SMARCAD1: variants seen among roughly 807,000 people sequenced by gnomAD.
The protein encoded by SMARCAD1 is SWI/SNF-related matrix-associated actin-dependent regulator of chromatin subfamily A containing DEAD/H box 1.
A neutral mutation model predicts 127.1 loss-of-function variants in SMARCAD1; 25 were observed. That is an observed-to-expected ratio of 0.20 (90% confidence interval 0.14 to 0.27). The LOEUF is 0.27. Ranked by LOEUF, SMARCAD1 falls within the 10% of genes least tolerant of loss-of-function variation. The pLI is 1.00. For synonymous variants in SMARCAD1, 400 were observed against 396.9 expected, an observed-to-expected ratio of 1.01 and a Z score of -0.09; for missense variants, 807 against 1,206.0, an observed-to-expected ratio of 0.67 and a Z score of 4.90.
Position 94,233,946 on chromosome 4 carries a change from A to G in SMARCAD1, c.369-8A>G. On this transcript the variant is annotated splice_polypyrimidine_tract_variant and splice_region_variant and intron_variant, in intron 3 of 23. Transcript: ENST00000354268. ...AAATGTTTTTTGCTCCTCTAAAAAT[A>G]TTTTTAGTTCTGAGCCATCTGAAGA... 1 of 1,613,404 alleles carries G rather than the reference A, an allele frequency of 6.2e-7. No individual in the cohort carries two copies. Among genetic ancestry groups the G allele is most frequent in the Non-Finnish European group, 8.5e-7 (1 of 1,179,582 alleles).
intron 9 of SMARCAD1, among the ~76,000 whole-genome samples, chr4:94,255,393 G>C (rs1483811872): frequency 6.6e-6 from 1 of 151,766 alleles, no homozygotes; most frequent in Non-Finnish European, 1.5e-5. Context: ...CTTTAACGTT[G>C]GTGATTATTA....
In SMARCAD1 at chr4:94,276,481, G is replaced by C. The variant is rs1339920140; in HGVS notation, c.1944+7G>C. On this transcript the variant is annotated splice_region_variant and intron_variant, in intron 15 of 23. Transcript: ENST00000354268. ...GCACCTTATGACAATTAATGTAAGAGAATGTTTGTAAAGTTTTCCAAATTA... is the reference window on the plus strand; with the variant it reads ...GCACCTTATGACAATTAATGTAAGACAATGTTTGTAAAGTTTTCCAAATTA... The C allele has an allele frequency of 1.9e-6, 3 of 1,613,978 alleles. No homozygotes were observed. The African/African-American group carries it at 4.0e-5, about 22-fold the overall frequency.
intron 7 of SMARCAD1, among the ~76,000 whole-genome samples, 181 bp downstream of exon 7, chr4:94,249,936 T>G (rs1749029233): frequency 6.6e-6 from 1 of 152,020 alleles, no homozygotes. Context: ...TTTATTTACC[T>G]TGTTTACTAT....
chr4:94,230,950 TG>T (rs1302394662), intron 3 of SMARCAD1, among the ~76,000 whole-genome samples: 1 of 152,218 alleles, frequency 6.6e-6, no homozygotes, highest in Non-Finnish European at 1.5e-5. Context: ...AGGATATGTT[TG>T]TCAACAATGT....
At chr4:94,219,146 G>T (rs997121173) in intron 2 of SMARCAD1, among the ~76,000 whole-genome samples, 4 of 152,176 alleles carry the variant, frequency 2.6e-5, no homozygotes, top group African/African-American at 9.7e-5. Context: ...GCAAATATAT[G>T]ATGTGTTTTA....
intron 9 of SMARCAD1, among the ~76,000 whole-genome samples, chr4:94,254,337 T>C (rs973672968): frequency 3.3e-5 from 5 of 152,104 alleles, no homozygotes; most frequent in Admixed American, 2.0e-4. Context: ...TGGTCTCTTA[T>C]GTTGTTGCAG....
chr4:94,284,642 C>T (rs886834091), intron 22 of SMARCAD1, among the ~76,000 whole-genome samples: 10 of 145,514 alleles, frequency 6.9e-5, no homozygotes, highest in Admixed American at 5.6e-4. Flanking sequence ...CCAGGCTGAT[C>T]GGCTGATCTC....
chr4:94,281,872 G>A (rs1388560597), intron 21 of SMARCAD1, among the ~76,000 whole-genome samples: 1 of 147,902 alleles, frequency 6.8e-6, no homozygotes, highest in East Asian at 2.1e-4. Context: ...AACACCAATA[G>A]CAACAACAAC....
At chr4:94,279,078 A>G (rs1364276092) in intron 19 of SMARCAD1, 28 bp downstream of exon 19, 1 of 1,613,326 alleles carries the variant, frequency 6.2e-7, no homozygotes, top group Admixed American at 1.7e-5. Flanking sequence ...TGTTAACACT[A>G]AGCTTTAATA....
chr4:94,276,966 A>T (rs759631421), intron 15 of SMARCAD1, 56 bp from the exon 16 acceptor site: 2 of 1,597,824 alleles, frequency 1.3e-6, no homozygotes, highest in African/African-American at 1.3e-5. Flanking sequence ...GAGGATAGAC[A>T]TGAAAGGAGT....
At chr4:94,265,032 T>C in intron 10 of SMARCAD1, 126 bp downstream of exon 10, 1 of 842,142 alleles carries the variant, frequency 1.2e-6, no homozygotes, top group Non-Finnish European at 1.9e-6. Flanking sequence ...CCAGGTTTTC[T>C]GTAATGGCAC....
At chr4:94,257,998 A>G (rs956488233) in intron 9 of SMARCAD1, among the ~76,000 whole-genome samples, 1 of 152,006 alleles carries the variant, frequency 6.6e-6, no homozygotes, top group Admixed American at 6.6e-5. Flanking sequence ...TGCCTTTCAT[A>G]GATGAACCAT....
At position 94,273,558 on chromosome 4, in the gene SMARCAD1, T is replaced by G. The variant is rs1393472591; in HGVS notation, c.1573-59T>G. 28 of 1,233,034 alleles carry G rather than the reference T, an allele frequency of 2.3e-5. No homozygotes were observed. The Admixed American group carries it at 5.3e-4, about 23-fold the overall frequency. The allele number at this position is 1,233,034 out of a possible 1,614,324, so 76.4% of individuals were successfully genotyped here. On this transcript the variant is annotated intron_variant, in intron 11 of 23. Transcript: ENST00000354268. ...AATTACTGCTTTTTCTTCTGTATTT[T>G]TATGTATTTATTTTTTGTTTGTTTT...
intron 5 of SMARCAD1, among the ~76,000 whole-genome samples, chr4:94,238,115 C>A (rs1366858642): frequency 1.3e-5 from 2 of 152,128 alleles, no homozygotes; most frequent in African/African-American, 2.4e-5. Context: ...TTATCCACCT[C>A]ATTTTTCTTC....
chr4:94,210,679 C>G (rs191355323), intron 2 of SMARCAD1, among the ~76,000 whole-genome samples: 160 of 152,150 alleles, frequency 1.1e-3, no homozygotes, highest in Non-Finnish European at 2.9e-4. Context: ...GTGGCTGAAG[C>G]CTGTAATCCC....
chr4:94,282,999 G>T, intron 21 of SMARCAD1, 122 bp from the exon 22 acceptor site: 1 of 784,478 alleles, frequency 1.3e-6, no homozygotes, highest in Non-Finnish European at 2.1e-6. Context: ...AGAAATAACT[G>T]CAATACTAAG....
At chr4:94,280,476 TA>T in intron 19 of SMARCAD1, 115 bp from the exon 20 acceptor site, 1 of 919,568 alleles carries the variant, frequency 1.1e-6, no homozygotes, top group Non-Finnish European at 1.6e-6. Flanking sequence ...TCTGTTACAC[TA>T]AAAGGTTCTA....
intron 6 of SMARCAD1, among the ~76,000 whole-genome samples, chr4:94,243,052 G>A (rs1211766962): frequency 3.3e-5 from 5 of 152,040 alleles, no homozygotes; most frequent in African/African-American, 1.2e-4. Flanking sequence ...TCTGCCTCCC[G>A]GGTTCAAGTG....
rs1560576193 is a variant in SMARCAD1 at position 94,289,972 on chromosome 4, GTTC to G, written c.*441_*443del. 4.4e-6 allele frequency: 2 copies of G among 454,006 alleles called. No homozygotes were observed. Among genetic ancestry groups the G allele is most frequent in the African/African-American group, 2.0e-5 (1 of 49,864 alleles). The allele number at this position is 454,006 out of a possible 1,614,324, so 28.1% of individuals were successfully genotyped here. Reference sequence around the variant, plus strand: ...CTTGTTTTTGCTTGTCTCATTTGAAGTTCTTTTTTATTATGTTAAAGAATGCAG... The same window carrying G: ...CTTGTTTTTGCTTGTCTCATTTGAAGTTTTTTATTATGTTAAAGAATGCAG... On this transcript the variant is annotated 3_prime_UTR_variant, in exon 24 of 24. Coordinates refer to ENST00000354268, the MANE Select transcript of SMARCAD1 (RefSeq NM_020159.5).
Sources: allele counts gnomAD v4.1 joint callset (sites outside exome capture counted in the v4.1 genomes callset), GRCh38; gene constraint gnomAD v4.1.1; transcripts MANE v1.5; gene names NCBI Gene and HGNC (gene_info 2026-07-23, HGNC 2026-07-21).